PPFIA2: variants seen among roughly 807,000 people sequenced by gnomAD.
PPFIA2 encodes the protein liprin-alpha-2.
Under a neutral mutation model 175.5 loss-of-function variants are expected in PPFIA2, and 46 were observed. The observed-to-expected ratio is 0.26, with a 90% CI of 0.21 to 0.34. The LOEUF is 0.34. Ranked by LOEUF, PPFIA2 falls within the 10% of genes least tolerant of loss-of-function variation. The pLI is 1.00. For missense variants in PPFIA2, 1,179 were observed against 1,506.1 expected (o/e 0.78, Z 3.60); for synonymous variants, 568 against 511.4 (o/e 1.11, Z -1.49).
intron 11 of PPFIA2, among the ~76,000 whole-genome samples, chr12:81,370,844 G>A (rs2034900372): frequency 6.6e-6 from 1 of 151,810 alleles, no homozygotes; most frequent in South Asian, 2.1e-4. Context: ...AGGACTCTAT[G>A]TCAGGACTAC....
intron 4 of PPFIA2, among the ~76,000 whole-genome samples, chr12:81,659,346 A>T (rs1400207463): frequency 6.6e-6 from 1 of 152,110 alleles, no homozygotes; most frequent in Non-Finnish European, 1.5e-5. Context: ...GCACCTGGAA[A>T]ATCAGGTCAC....
At chr12:81,648,698 CAAT>C (rs1201600568) in intron 4 of PPFIA2, among the ~76,000 whole-genome samples, 1 of 150,456 alleles carries the variant, frequency 6.6e-6, no homozygotes, top group Non-Finnish European at 1.5e-5. Context: ...TTAAGTAAAA[CAAT>C]AAGGAAAAAT....
At chr12:81,355,135 T>A (rs2060678784) in intron 16 of PPFIA2, among the ~76,000 whole-genome samples, 1 of 152,198 alleles carries the variant, frequency 6.6e-6, no homozygotes, top group Non-Finnish European at 1.5e-5. Flanking sequence ...TACTGCTTTA[T>A]CCACGGGCTA....
At chr12:81,489,155 T>C (rs2059159888) in intron 4 of PPFIA2, among the ~76,000 whole-genome samples, 1 of 151,864 alleles carries the variant, frequency 6.6e-6, no homozygotes, top group African/African-American at 2.4e-5. Flanking sequence ...GGTATTTCAT[T>C]AATTTTAGGC....
intron 24 of PPFIA2, among the ~76,000 whole-genome samples, chr12:81,291,535 G>A (rs1170738369): frequency 6.6e-6 from 1 of 151,912 alleles, no homozygotes; most frequent in Non-Finnish European, 1.5e-5. Context: ...TCTATACAAT[G>A]ATTATTTTAA....
At chr12:81,565,418 G>C (rs1021568382) in intron 4 of PPFIA2, among the ~76,000 whole-genome samples, 1 of 152,086 alleles carries the variant, frequency 6.6e-6, no homozygotes, top group Non-Finnish European at 1.5e-5. Context: ...GGCTCTCCTT[G>C]TTCCTCAGCC....
intron 7 of PPFIA2, among the ~76,000 whole-genome samples, chr12:81,406,442 TTTA>T (rs2042951400): frequency 6.6e-6 from 1 of 152,112 alleles, no homozygotes; most frequent in Non-Finnish European, 1.5e-5. Context: ...TTAAATTTGT[TTTA>T]TTATTATAAT....
rs549446794 is a variant in PPFIA2 at position 81,725,251 on chromosome 12, GT to G, written c.249+28721del. Among the ~76,000 whole-genome samples, 9 of 150,880 alleles carry G rather than the reference GT, an allele frequency of 6.0e-5. 2 individuals are homozygous for G. Among genetic ancestry groups the G allele is most frequent in the African/African-American group, 1.9e-4 (8 of 41,324 alleles). On this transcript the variant is annotated intron_variant, in intron 3 of 32. Coordinates refer to ENST00000549396, the MANE Select transcript of PPFIA2 (RefSeq NM_003625.5). ...ATATTAAATTCCATACAATGAGTAA[GT>G]TTTTTTCCCCAAACTCCCTTAGAAA...
At chr12:81,548,708 A>G (rs2067383676) in intron 4 of PPFIA2, among the ~76,000 whole-genome samples, 1 of 152,112 alleles carries the variant, frequency 6.6e-6, no homozygotes, top group South Asian at 2.1e-4. Context: ...ATAATATTTA[A>G]AGCTTGTATG....
At chr12:81,664,453 C>A (rs2069672406) in intron 4 of PPFIA2, among the ~76,000 whole-genome samples, 1 of 151,952 alleles carries the variant, frequency 6.6e-6, no homozygotes, top group Admixed American at 6.6e-5. Context: ...TCATCACTGG[C>A]CATCAGAGAA....
At chr12:81,462,153 G>A (rs1359600362) in intron 4 of PPFIA2, among the ~76,000 whole-genome samples, 2 of 149,978 alleles carry the variant, frequency 1.3e-5, no homozygotes, top group Non-Finnish European at 3.0e-5. Flanking sequence ...ACATATAACA[G>A]ATATAATATT....
intron 4 of PPFIA2, among the ~76,000 whole-genome samples, chr12:81,671,357 T>C (rs1392215357): frequency 6.6e-6 from 1 of 151,970 alleles, no homozygotes; most frequent in Non-Finnish European, 1.5e-5. Context: ...TACAGGCTTT[T>C]ATTAACCATC....
At chr12:81,418,456 GA>G (rs2045698844) in intron 7 of PPFIA2, among the ~76,000 whole-genome samples, 1 of 151,782 alleles carries the variant, frequency 6.6e-6, no homozygotes, top group South Asian at 2.1e-4. Flanking sequence ...TTGAATAGTT[GA>G]AAAACATTAA....
chr12:81,311,298 C>T (rs764472233), intron 22 of PPFIA2, among the ~76,000 whole-genome samples: 2 of 152,154 alleles, frequency 1.3e-5, no homozygotes, highest in Non-Finnish European at 2.9e-5. Flanking sequence ...ACACATTCAA[C>T]CAAAACCAAG....
rs185480003 is a variant in PPFIA2 at position 81,495,865 on chromosome 12, T to A, written c.304-37999A>T. Among the ~76,000 whole-genome samples, 12 of 152,314 alleles carry A rather than the reference T, an allele frequency of 7.9e-5. No homozygotes were observed. The East Asian group carries it at 2.3e-3, about 29-fold the overall frequency. ...ATATTATAAGGCTCCAATTTTAAAA[T>A]GTTCTTTTGTGTTTGAATTCTCATA... On this transcript the variant is annotated intron_variant, in intron 4 of 32. Transcript: ENST00000549396.
chr12:81,356,920 A>G (rs1488256174), intron 16 of PPFIA2, among the ~76,000 whole-genome samples: 1 of 152,166 alleles, frequency 6.6e-6, no homozygotes, highest in East Asian at 1.9e-4. Flanking sequence ...TGTTTTTTAA[A>G]TGGATACAAG....
chr12:81,598,291 CAGAA>C (rs2059461876), intron 4 of PPFIA2: 11 of 1,219,132 alleles, frequency 9.0e-6, no homozygotes, highest in Non-Finnish European at 1.1e-5. Context: ...ATTAAAAACA[CAGAA>C]GGAAAAAAGC....
chr12:81,719,451 C>A (rs980553567), intron 3 of PPFIA2, among the ~76,000 whole-genome samples: 1 of 151,426 alleles, frequency 6.6e-6, no homozygotes, highest in Non-Finnish European at 1.5e-5. Flanking sequence ...TTAAAAAGTT[C>A]TCTGGGGTGA....
At chr12:81,738,916 G>T (rs1427095258) in intron 3 of PPFIA2, among the ~76,000 whole-genome samples, 1 of 151,748 alleles carries the variant, frequency 6.6e-6, no homozygotes, top group Non-Finnish European at 1.5e-5. Flanking sequence ...TAACAGAAAA[G>T]AAATCTGCTC....
Sources: allele counts gnomAD v4.1 joint callset (sites outside exome capture counted in the v4.1 genomes callset), GRCh38; gene constraint gnomAD v4.1.1; transcripts MANE v1.5; gene names NCBI Gene and HGNC (gene_info 2026-07-23, HGNC 2026-07-21).